The following PROM2 variants were observed in gnomAD, a reference collection of about 807,000 sequenced individuals.
PROM2 encodes the protein prominin 2.
In PROM2, 90 loss-of-function variants were observed where a neutral mutation model predicts 110.2. That is an observed-to-expected ratio of 0.82 (90% CI 0.69 to 0.97). PROM2 has a LOEUF of 0.97. PROM2 is among the 50% of genes least tolerant of loss of function. The probability of loss-of-function intolerance (pLI) is 0.00; values close to 1 mark genes in which losing one functional copy is unlikely to be tolerated. For synonymous variants in PROM2, 470 were observed against 467.8 expected (o/e 1.00, Z -0.06); for missense variants, 1,009 against 1,074.8 (o/e 0.94, Z 0.86).
At chr2:95,278,584 A>T in intron 8 of PROM2, 137 bp from the exon 9 acceptor site, 2 of 954,380 alleles carry the variant, frequency 2.1e-6, no homozygotes, top group Non-Finnish European at 3.4e-6. Context: ...ATGGGAGAGG[A>T]GGGCAGCGAC....
chr2:95,277,335 C>G, intron 6 of PROM2, 29 bp from the exon 7 acceptor site: 7 of 1,584,720 alleles, frequency 4.4e-6, no homozygotes, highest in Non-Finnish European at 6.0e-6. Flanking sequence ...TATGGTGGAC[C>G]CTGCTCAGGC....
rs577833767 is a variant in PROM2 at position 95,278,475 on chromosome 2, G to T, written c.1051-246G>T. The T allele has an allele frequency of 1.2e-5, 7 of 592,848 alleles. No homozygotes were observed. In the East Asian group the frequency reaches 2.0e-4, roughly 17 times the overall value. 36.7% of individuals were successfully genotyped at this position (592,848 alleles called of 1,614,324 possible). A position where few individuals can be genotyped will look rare whatever the true frequency, so the allele number is the denominator to read the frequency against. On this transcript the variant is annotated intron_variant, in intron 8 of 23. Coordinates refer to ENST00000317620, the MANE Select transcript of PROM2 (RefSeq NM_001165978.3). ...AGACCTGGCAGTTGTGTGGAGGGCG[G>T]CTGAGAGTTCACTGCAATGGTGGGA...
rs751942805 is a variant in PROM2, at chr2:95,276,390, CTG to C, written c.618+44_618+45del. ...TCACCCTCATGTGCCCCTGTGAGCA[CTG>C]GGCCCGGGCAGGACAGAGCCGAGTG... On this transcript the variant is annotated intron_variant, in intron 4 of 23. Coordinates refer to ENST00000317620, the MANE Select transcript of PROM2 (RefSeq NM_001165978.3). The surrounding 1 kb of genome is among the most constrained non-coding windows in gnomAD (Gnocchi z 4.6). 19 of 1,607,604 alleles carry C rather than the reference CTG, an allele frequency of 1.2e-5. No individual in the cohort carries two copies. Among genetic ancestry groups the C allele is most frequent in the Admixed American group, 1.7e-5 (1 of 59,722 alleles).
intron 23 of PROM2, 43 bp from the exon 24 acceptor site, chr2:95,289,180 TC>T: frequency 1.6e-6 from 1 of 608,244 alleles, no homozygotes; most frequent in Non-Finnish European, 2.9e-6. Flanking sequence ...AGCCCTGTTC[TC>T]CCCTCCCTCC....
chr2:95,284,769 G>T (rs1241544579), intron 14 of PROM2, among the ~76,000 whole-genome samples, 200 bp from the exon 15 acceptor site: 3 of 152,222 alleles, frequency 2.0e-5, no homozygotes, highest in African/African-American at 7.2e-5. Flanking sequence ...AGCCATACGT[G>T]AGGGATCCGC....
In PROM2 at chr2:95,279,830, T is replaced by TCC. The variant is rs1356453524; in HGVS notation, c.1275-14_1275-13dup. The TCC allele has an allele frequency of 4.9e-6, 7 of 1,435,778 alleles. No individual in the cohort carries two copies. The highest frequency in any genetic ancestry group is 6.5e-6 in the Non-Finnish European group (7 of 1,085,222). 88.9% of individuals were successfully genotyped at this position (1,435,778 alleles called of 1,614,324 possible). On this transcript the variant is annotated splice_polypyrimidine_tract_variant and intron_variant, in intron 10 of 23. Coordinates refer to ENST00000317620, the MANE Select transcript of PROM2 (RefSeq NM_001165978.3). ...ACCTCCTTTCTTAGTGACACCCATG[T>TCC]CCTCTCTGTGGCAGGTGGATCGTGG...
chr2:95,287,443 C>T lies in PROM2; in HGVS notation c.2223C>T (p.Tyr741=), dbSNP rs753582231. 109 of 1,613,882 alleles carry T rather than the reference C, an allele frequency of 6.8e-5. No individual in the cohort carries two copies. The highest frequency in any genetic ancestry group is 3.3e-5 in the Non-Finnish European group (39 of 1,180,008). Residue 741 remains tyrosine (Y), a synonymous_variant, in exon 20 of 24, where the codon TAC becomes TAT. Coordinates refer to ENST00000317620, the MANE Select transcript of PROM2 (RefSeq NM_001165978.3). The part of the protein sequence containing the change: ...LAREMGYFSQ[Y]VAWVREEVTQ... ...GGGAGATGGGCTACTTCTCCCAGTACGTGGCCTGGGTGAGAGAGGAGGTGA... is the reference window on the plus strand; with the variant it reads ...GGGAGATGGGCTACTTCTCCCAGTATGTGGCCTGGGTGAGAGAGGAGGTGA...
Position 95,275,793 on chromosome 2 carries a change from C to T in PROM2, c.295-137C>T. 1.3e-6 allele frequency: 2 copies of T among 1,495,348 alleles called. No individual in the cohort carries two copies. The highest frequency in any genetic ancestry group is 1.8e-6 in the Non-Finnish European group (2 of 1,125,634). 92.6% of individuals were successfully genotyped at this position (1,495,348 alleles called of 1,614,324 possible). On this transcript the variant is annotated intron_variant, in intron 2 of 23. Transcript: ENST00000317620. The surrounding 1 kb of genome is among the most constrained non-coding windows in gnomAD (Gnocchi z 4.4). Reference sequence around the variant, plus strand: ...ATGAGCAGTAAGAATGCGGTCACCTCTGGGACGGGTTCCATGAGATGCAGG... The same window carrying T: ...ATGAGCAGTAAGAATGCGGTCACCTTTGGGACGGGTTCCATGAGATGCAGG...
chr2:95,290,134 A>T lies in PROM2; in HGVS notation c.*921A>T, dbSNP rs1677615188. The T allele has an allele frequency of 6.6e-6, 1 of 152,328 alleles. No individual in the cohort carries two copies. The highest frequency in any genetic ancestry group is 1.5e-5 in the Non-Finnish European group (1 of 68,142). The allele number at this position is 152,328 out of a possible 1,614,324, so 9.4% of individuals were successfully genotyped here. A position where few individuals can be genotyped will look rare whatever the true frequency, so the allele number is the denominator to read the frequency against. On this transcript the variant is annotated 3_prime_UTR_variant, in exon 24 of 24. Transcript: ENST00000317620. Reference sequence around the variant, plus strand: ...ACAGCCCCCACCCAACTTTCTTAGGAGTGATCTGGTGGCCAGAACAGGATT... The same window carrying T: ...ACAGCCCCCACCCAACTTTCTTAGGTGTGATCTGGTGGCCAGAACAGGATT...
chr2:95,279,998 G>T lies in PROM2; in HGVS notation c.1427+1G>T. On this transcript the variant is annotated splice_donor_variant, in intron 11 of 23. Coordinates refer to ENST00000317620, the MANE Select transcript of PROM2 (RefSeq NM_001165978.3). LOFTEE classifies it high-confidence loss of function. ...AGGCTGGAGCCCGCTTCCTCATGGC[G>T]TAAGAAAGGGCTGGGAGAGGGGAAG... 1 of 1,445,070 alleles carries T rather than the reference G, an allele frequency of 6.9e-7. No homozygotes were observed. The highest frequency in any genetic ancestry group is 2.6e-5 in the East Asian group (1 of 38,258). 89.5% of individuals were successfully genotyped at this position (1,445,070 alleles called of 1,614,324 possible). A position where few individuals can be genotyped will look rare whatever the true frequency, so the allele number is the denominator to read the frequency against.
intron 20 of PROM2, among the ~76,000 whole-genome samples, chr2:95,287,681 C>T (rs1460221850): frequency 3.3e-5 from 5 of 152,236 alleles, no homozygotes; most frequent in Non-Finnish European, 7.3e-5. Flanking sequence ...TGAGTGTGAG[C>T]AGGGTTGGCG....
intron 14 of PROM2, 32 bp from the exon 15 acceptor site, chr2:95,284,937 G>C (rs750996273): frequency 6.3e-7 from 1 of 1,597,926 alleles, no homozygotes. Context: ...CAGCAACTGG[G>C]CATGACTCCC....
At position 95,279,260 on chromosome 2, in the gene PROM2, C is replaced by T. The variant is rs565675030; in HGVS notation, c.1274+116C>T. 381 of 788,372 alleles carry T rather than the reference C, an allele frequency of 4.8e-4. 3 individuals are homozygous for T. In the South Asian group the frequency reaches 7.3e-3, roughly 15 times the overall value. 48.8% of individuals were successfully genotyped at this position (788,372 alleles called of 1,614,324 possible). A position where few individuals can be genotyped will look rare whatever the true frequency, so the allele number is the denominator to read the frequency against. On this transcript the variant is annotated intron_variant, in intron 10 of 23. Transcript: ENST00000317620. ...TCTATCAGCCCCTGACTGTACTGAG[C>T]CTCTGTGTTTTTTGTTTGTTTGTTT...
In PROM2 at chr2:95,276,790, G is replaced by A. The variant is rs1676692570; in HGVS notation, c.682+133G>A. 1.7e-6 allele frequency: 2 copies of A among 1,178,362 alleles called. No individual in the cohort carries two copies. Among genetic ancestry groups the A allele is most frequent in the Non-Finnish European group, 2.5e-6 (2 of 815,542 alleles). The allele number at this position is 1,178,362 out of a possible 1,614,324, so 73.0% of individuals were successfully genotyped here. ...GCTGGTAGAGGTGGGGATCAGGCCG[G>A]CTGGAGAGCAAGAGTGGCCGCCACT... On this transcript the variant is annotated intron_variant, in intron 5 of 23. Transcript: ENST00000317620. The surrounding 1 kb of genome is among the most constrained non-coding windows in gnomAD (Gnocchi z 4.6).
At chr2:95,281,842 C>A in intron 12 of PROM2, 83 bp from the exon 13 acceptor site, 1 of 933,664 alleles carries the variant, frequency 1.1e-6, no homozygotes, top group Non-Finnish European at 1.7e-6. Context: ...TGTGCCACAG[C>A]AGCACAGGGC....
chr2:95,282,499 G>A lies in PROM2; in HGVS notation c.1728+273G>A, dbSNP rs570823196. ...CTGGTGACAGTGAGCAGGAGGATGA[G>A]GGGGCCCATGTGTCCTGACTGAGGA... On this transcript the variant is annotated intron_variant, in intron 14 of 23. Coordinates refer to ENST00000317620, the MANE Select transcript of PROM2 (RefSeq NM_001165978.3). Among the ~76,000 whole-genome samples the A allele has an allele frequency of 2.6e-5, 4 of 152,336 alleles. No homozygotes were observed. In the South Asian group the frequency reaches 8.3e-4, roughly 32 times the overall value.
At chr2:95,279,723 C>A in intron 10 of PROM2, 122 bp from the exon 11 acceptor site, 1 of 743,510 alleles carries the variant, frequency 1.3e-6, no homozygotes, top group Non-Finnish European at 1.9e-6. Context: ...GAGTCTGTAT[C>A]TGCATTTCTG....
rs1348447397 is a variant in PROM2, at chr2:95,288,559, A to T, written c.2411A>T (p.Lys804Ile). The T allele has an allele frequency of 1.2e-6, 2 of 1,614,016 alleles. No individual in the cohort carries two copies. The highest frequency in any genetic ancestry group is 1.7e-6 in the Non-Finnish European group (2 of 1,180,014). Residue 804 changes from lysine to isoleucine, a missense_variant, in exon 22 of 24, where the codon AAA becomes ATA. Lys to Ile is a moderately radical substitution (Grantham distance 102, BLOSUM62 -3). Coordinates refer to ENST00000317620, the MANE Select transcript of PROM2 (RefSeq NM_001165978.3). Reference sequence around the variant, plus strand: ...ATCATCTTTGCCGTCAAGACCTCCAAATACTTCCGTCCTATCCGGAAACGC... The same window carrying T: ...ATCATCTTTGCCGTCAAGACCTCCATATACTTCCGTCCTATCCGGAAACGC... ...PSIIFAVKTS[K>I]YFRPIRKRLS...
rs1200845319 is a variant in PROM2, at chr2:95,276,662, G to T, written c.682+5G>T. 6.2e-7 allele frequency: 1 copy of T among 1,612,692 alleles called. No individual in the cohort carries two copies. On this transcript the variant is annotated splice_donor_5th_base_variant and intron_variant, in intron 5 of 23. Transcript: ENST00000317620. The surrounding 1 kb of genome is among the most constrained non-coding windows in gnomAD (Gnocchi z 4.6). ...AAGTCTCAGAGGAGCTGGATGGTGA[G>T]GGTCTCGGGGACTGGCAGGTGGGCT...
Sources: allele counts gnomAD v4.1 joint callset (sites outside exome capture counted in the v4.1 genomes callset), GRCh38; gene constraint gnomAD v4.1.1; non-coding constraint Gnocchi (gnomAD v3.1); transcripts MANE v1.5; gene names NCBI Gene and HGNC (gene_info 2026-07-23, HGNC 2026-07-21).